Variants in YIPF7 observed in about 807,000 individuals in gnomAD.
YIPF7 encodes Yip1 domain family member 7.
A neutral mutation model predicts 27.2 loss-of-function variants in YIPF7; 35 were observed. That is an observed-to-expected ratio of 1.29 (90% confidence interval 0.98 to 1.70). The LOEUF is 1.70. YIPF7 is among the 40% of genes most tolerant of loss of function. The pLI, the probability that YIPF7 is intolerant of heterozygous loss-of-function variation, is 0.00. For synonymous variants in YIPF7, 137 were observed against 110.4 expected (o/e 1.24, Z -1.51); for missense variants, 358 against 303.7 (o/e 1.18, Z -1.33).
intron 1 of YIPF7, among the ~76,000 whole-genome samples, 174 bp downstream of exon 1, chr4:44,651,380 C>G (rs1166352004): frequency 6.6e-6 from 1 of 152,082 alleles, no homozygotes; most frequent in Non-Finnish European, 1.5e-5. Flanking sequence ...ATAACTTTCT[C>G]AACACATGAA....
chr4:44,661,753 A>T (rs747632969), intron 1 of YIPF7, among the ~76,000 whole-genome samples: 10 of 152,238 alleles, frequency 6.6e-5, no homozygotes, highest in Non-Finnish European at 1.5e-4. Flanking sequence ...CCTAACATAA[A>T]AATGTACATT....
At chr4:44,658,939 C>T (rs117716041) in intron 2 of YIPF7, among the ~76,000 whole-genome samples, 4,575 of 152,212 alleles carry the variant, frequency 0.03, 157 homozygotes, top group East Asian at 0.1. Flanking sequence ...AGCTACAATT[C>T]AAGAAGAGAT....
chr4:44,639,029 A>G (rs1713236491), intron 2 of YIPF7, among the ~76,000 whole-genome samples: 1 of 152,122 alleles, frequency 6.6e-6, no homozygotes, highest in African/African-American at 2.4e-5. Flanking sequence ...CATGTTTTCT[A>G]TTATGTTCCA....
At chr4:44,624,950 T>G (rs1327090824) in intron 4 of YIPF7, among the ~76,000 whole-genome samples, 168 bp from the exon 5 acceptor site, 4 of 152,178 alleles carry the variant, frequency 2.6e-5, no homozygotes, top group Non-Finnish European at 5.9e-5. Flanking sequence ...GCCAATGGTT[T>G]GAATTCAGAT....
intron 2 of YIPF7, among the ~76,000 whole-genome samples, chr4:44,646,587 GAT>G (rs1713533036): frequency 6.6e-6 from 1 of 152,056 alleles, no homozygotes; most frequent in African/African-American, 2.4e-5. Context: ...ACTACCTATA[GAT>G]GGTTGGAAAT....
At chr4:44,636,364 GTAAAAGCTGTATTTCTAATCCCATTTTA>G (rs1292537473) in intron 2 of YIPF7, among the ~76,000 whole-genome samples, 1 of 152,032 alleles carries the variant, frequency 6.6e-6, no homozygotes, top group African/African-American at 2.4e-5. Context: ...ACTCTATAAG[GTAAAAGCTGTATTTCTAATCCCATTTTA>G]CAGAAAAAGA....
intron 2 of YIPF7, among the ~76,000 whole-genome samples, chr4:44,648,362 A>G (rs139285570): frequency 1.3e-5 from 2 of 152,242 alleles, no homozygotes; most frequent in Admixed American, 1.3e-4. Flanking sequence ...GTGTTCAAAA[A>G]GTTTTGGATT....
At chr4:44,629,582 A>G (rs1333165331) in intron 3 of YIPF7, 34 bp from the exon 4 acceptor site, 20 of 1,422,492 alleles carry the variant, frequency 1.4e-5, no homozygotes, top group Non-Finnish European at 1.7e-5. Flanking sequence ...TAATATGATA[A>G]CATAAATATA....
chr4:44,635,851 A>C lies in YIPF7; in HGVS notation c.280+71T>G, dbSNP rs375207243. 2.7e-5 allele frequency: 41 copies of C among 1,524,316 alleles called. 1 individual carries two copies. In the South Asian group the frequency reaches 4.3e-4, roughly 16 times the overall value. 94.4% of individuals were successfully genotyped at this position (1,524,316 alleles called of 1,614,324 possible). A position where few individuals can be genotyped will look rare whatever the true frequency, so the allele number is the denominator to read the frequency against. On this transcript the variant is annotated intron_variant, in intron 3 of 5. Transcript: ENST00000415895. Reference sequence around the variant, plus strand: ...ACACTGTACACTGCAGGCTGACAGCACACATTAAGTGCTAATTATTGCTAT... The same window carrying C: ...ACACTGTACACTGCAGGCTGACAGCCCACATTAAGTGCTAATTATTGCTAT...
At chr4:44,631,272 A>G (rs944768263) in intron 3 of YIPF7, among the ~76,000 whole-genome samples, 4 of 152,184 alleles carry the variant, frequency 2.6e-5, no homozygotes, top group Admixed American at 6.5e-5. Flanking sequence ...AAATGAGCCC[A>G]ATTCTTCCAT....
chr4:44,643,946 G>A (rs1266737554), intron 2 of YIPF7, among the ~76,000 whole-genome samples: 5 of 152,078 alleles, frequency 3.3e-5, no homozygotes, highest in African/African-American at 7.2e-5. Flanking sequence ...CTCTACTAGG[G>A]AAGTGTGGAA....
At chr4:44,629,995 G>A (rs1712828156) in intron 3 of YIPF7, among the ~76,000 whole-genome samples, 2 of 151,260 alleles carry the variant, frequency 1.3e-5, no homozygotes, top group East Asian at 1.9e-4. Context: ...TTTCTTTTTC[G>A]AGGCAGGGTT....
At chr4:44,633,367 C>A (rs192932111) in intron 3 of YIPF7, among the ~76,000 whole-genome samples, 8 of 152,130 alleles carry the variant, frequency 5.3e-5, no homozygotes, top group Admixed American at 5.2e-4. Context: ...ATTAATGCAA[C>A]AATAGAGACA....
chr4:44,638,101 A>T (rs1713195660), intron 2 of YIPF7, among the ~76,000 whole-genome samples: 1 of 152,158 alleles, frequency 6.6e-6, no homozygotes, highest in Admixed American at 6.5e-5. Flanking sequence ...GCTCAACGTC[A>T]CCAATAATCA....
At chr4:44,649,866 C>T (rs1713662515) in intron 2 of YIPF7, 119 bp downstream of exon 2, 1 of 613,630 alleles carries the variant, frequency 1.6e-6, no homozygotes, top group African/African-American at 1.9e-5. Flanking sequence ...GTTTAGAGGG[C>T]AAGAAAGATC....
chr4:44,651,633 A>G (rs1324546035), upstream of YIPF7: 2 of 1,575,538 alleles, frequency 1.3e-6, no homozygotes, highest in East Asian at 4.6e-5. Context: ...ATTGGTGAAA[A>G]GATGACATGC....
chr4:44,643,041 T>C (rs1321392038), intron 2 of YIPF7, among the ~76,000 whole-genome samples: 2 of 152,096 alleles, frequency 1.3e-5, no homozygotes, highest in Non-Finnish European at 2.9e-5. Flanking sequence ...CAGGTAGATG[T>C]CAGAAGAGTG....
chr4:44,644,962 G>C (rs968322657), intron 2 of YIPF7, among the ~76,000 whole-genome samples: 8 of 152,104 alleles, frequency 5.3e-5, no homozygotes, highest in African/African-American at 1.7e-4. Context: ...ACTCTCTCTT[G>C]GTTCTGCTCC....
intron 2 of YIPF7, among the ~76,000 whole-genome samples, chr4:44,645,815 A>G (rs1166433916): frequency 1.3e-5 from 2 of 152,146 alleles, no homozygotes; most frequent in Non-Finnish European, 2.9e-5. Context: ...AACAATCAGC[A>G]AATTTCATTT....
Sources: allele counts gnomAD v4.1 joint callset (sites outside exome capture counted in the v4.1 genomes callset), GRCh38; gene constraint gnomAD v4.1.1; transcripts MANE v1.5; gene names NCBI Gene and HGNC (gene_info 2026-07-23, HGNC 2026-07-21).